Variants in TSGA10 observed in about 807,000 individuals in gnomAD.
TSGA10 encodes testis specific 10.
A neutral mutation model predicts 96.6 loss-of-function variants in TSGA10; 43 were observed. The observed-to-expected ratio is 0.44, with a 90% confidence interval of 0.35 to 0.57. The LOEUF (loss-of-function observed/expected upper bound fraction) is 0.57. TSGA10 is among the 20% of genes least tolerant of loss of function. TSGA10 has a pLI of 0.01. For missense variants in TSGA10, 703 were observed against 834.4 expected (o/e 0.84, Z 1.94); for synonymous variants, 229 against 269.9 (o/e 0.85, Z 1.48).
intron 16 of TSGA10, among the ~76,000 whole-genome samples, chr2:99,046,886 G>A (rs2082831773): frequency 6.6e-6 from 1 of 152,036 alleles, no homozygotes; most frequent in Non-Finnish European, 1.5e-5. Flanking sequence ...AATGAAAAAG[G>A]GGATATCACC....
intron 2 of TSGA10, among the ~76,000 whole-genome samples, chr2:99,119,254 C>T (rs1412715310): frequency 6.6e-6 from 1 of 151,988 alleles, no homozygotes; most frequent in African/African-American, 2.4e-5. Context: ...AATAGCCCAC[C>T]AAGAGGCATA....
At chr2:99,057,406 G>A (rs1190330832) in intron 16 of TSGA10, among the ~76,000 whole-genome samples, 1 of 152,070 alleles carries the variant, frequency 6.6e-6, no homozygotes. Flanking sequence ...CAGCAAGGTT[G>A]CAGGATACAA....
At chr2:98,998,358 CAA>C in intron 20 of TSGA10, 137 bp from the exon 21 acceptor site, 1 of 685,114 alleles carries the variant, frequency 1.5e-6, no homozygotes, top group Non-Finnish European at 2.4e-6. Context: ...AAACAAAAAA[CAA>C]TATATTTTTT....
intron 10 of TSGA10, among the ~76,000 whole-genome samples, chr2:99,095,131 G>A (rs1426205991): frequency 6.6e-6 from 1 of 152,148 alleles, no homozygotes; most frequent in Non-Finnish European, 1.5e-5. Flanking sequence ...ATTATTCTAA[G>A]GGAAGTAACT....
chr2:99,042,188 G>C (rs576730711), intron 16 of TSGA10, among the ~76,000 whole-genome samples: 1 of 152,094 alleles, frequency 6.6e-6, no homozygotes, highest in Non-Finnish European at 1.5e-5. Context: ...TGAGTCACTC[G>C]CTTTGTGAGG....
At chr2:99,001,013 G>A (rs528065624) in intron 20 of TSGA10, among the ~76,000 whole-genome samples, 1 of 152,328 alleles carries the variant, frequency 6.6e-6, no homozygotes, top group East Asian at 1.9e-4. Flanking sequence ...AATGAGGTCT[G>A]CCTATCTCTG....
At chr2:99,115,390 G>GA (rs948985170) in intron 4 of TSGA10, among the ~76,000 whole-genome samples, 3 of 151,914 alleles carry the variant, frequency 2.0e-5, no homozygotes, top group African/African-American at 4.8e-5. Flanking sequence ...CAAAAGTATT[G>GA]AAAAATGTTT....
intron 16 of TSGA10, among the ~76,000 whole-genome samples, chr2:99,040,817 G>T (rs1020588828): frequency 6.6e-6 from 1 of 151,282 alleles, no homozygotes; most frequent in Non-Finnish European, 1.5e-5. Context: ...CCAGCATACT[G>T]TAGAAAGTAG....
At chr2:99,149,364 C>T (rs1488162534) in intron 1 of TSGA10, among the ~76,000 whole-genome samples, 1 of 151,782 alleles carries the variant, frequency 6.6e-6, no homozygotes, top group Non-Finnish European at 1.5e-5. Context: ...TCCTGCCCAT[C>T]TTTGAAAGCG....
intron 3 of TSGA10, 101 bp downstream of exon 3, chr2:99,118,450 C>CA (rs34057808): frequency 0.04 from 10,446 of 262,532 alleles, 35 homozygotes; most frequent in Non-Finnish European, 0.045. Context: ...GACTCTATCT[C>CA]AAAAAAAAAA....
chr2:99,018,366 A>C lies in TSGA10; in HGVS notation c.1923-17T>G. ...GCCCTCTCCCTAAAGCAAAATAGTG[A>C]TGCTTTAAATTTTATATCCAGCAAA... On this transcript the variant is annotated splice_polypyrimidine_tract_variant and intron_variant, in intron 19 of 20. Coordinates refer to ENST00000393483, the MANE Select transcript of TSGA10 (RefSeq NM_025244.4). The C allele has an allele frequency of 3.7e-6, 6 of 1,607,884 alleles. No individual in the cohort carries two copies. Among genetic ancestry groups the C allele is most frequent in the Non-Finnish European group, 4.3e-6 (5 of 1,176,420 alleles).
At chr2:99,049,750 A>T (rs1228796496) in intron 16 of TSGA10, among the ~76,000 whole-genome samples, 1 of 152,062 alleles carries the variant, frequency 6.6e-6, no homozygotes, top group Non-Finnish European at 1.5e-5. Context: ...GAAAAAAAAA[A>T]AGAAAAATAC....
At chr2:99,013,188 T>C (rs1479488879) in intron 20 of TSGA10, among the ~76,000 whole-genome samples, 3 of 152,168 alleles carry the variant, frequency 2.0e-5, no homozygotes, top group Admixed American at 1.3e-4. Flanking sequence ...TTAGTACTAC[T>C]TTTGGTGTAT....
At position 99,108,877 on chromosome 2, in the gene TSGA10, C is replaced by G. The variant is rs376162872; in HGVS notation, c.166G>C (p.Val56Leu). The G allele has an allele frequency of 6.3e-6, 10 of 1,597,178 alleles. No individual in the cohort carries two copies. The highest frequency in any genetic ancestry group is 8.5e-6 in the Non-Finnish European group (10 of 1,175,178). ...ATCTTGTCTCTCTCAGATTTAAGAACCTTGACATTACCCTGAATTTCTGCC... is the reference window on the plus strand; with the variant it reads ...ATCTTGTCTCTCTCAGATTTAAGAAGCTTGACATTACCCTGAATTTCTGCC... ...HLAEIQGNVK[V>L]LKSERDKIFL... Residue 56 changes from valine to leucine, a missense_variant, in exon 7 of 21, where the codon GTT (valine) becomes CTT (leucine). Transcript: ENST00000393483.
chr2:99,031,701 A>T (rs1220321807), intron 17 of TSGA10, among the ~76,000 whole-genome samples: 1 of 152,190 alleles, frequency 6.6e-6, no homozygotes, highest in Non-Finnish European at 1.5e-5. Context: ...GGTGAATGGC[A>T]GGTGAGCCCG....
intron 2 of TSGA10, among the ~76,000 whole-genome samples, chr2:99,124,294 T>C (rs1229337865): frequency 6.6e-6 from 1 of 152,212 alleles, no homozygotes; most frequent in Non-Finnish European, 1.5e-5. Flanking sequence ...TCAAGTCCTT[T>C]GCCCATTTTT....
intron 10 of TSGA10, chr2:99,102,438 C>T: frequency 1.2e-6 from 2 of 1,613,892 alleles, no homozygotes; most frequent in South Asian, 1.1e-5. Context: ...AGAAATGCAA[C>T]AGCTTTCAGG....
intron 17 of TSGA10, among the ~76,000 whole-genome samples, chr2:99,028,761 C>A (rs1402080219): frequency 6.6e-6 from 1 of 152,110 alleles, no homozygotes; most frequent in African/African-American, 2.4e-5. Flanking sequence ...GTTCTCTATT[C>A]AACTTCTAAC....
chr2:99,039,718 T>C (rs2082013001), intron 16 of TSGA10, among the ~76,000 whole-genome samples: 2 of 152,106 alleles, frequency 1.3e-5, no homozygotes, highest in Admixed American at 1.3e-4. Flanking sequence ...CCAATCCTAC[T>C]GAAATTATTC....
Sources: gnomAD v4.1 joint callset for allele counts (sites outside exome capture counted in the v4.1 genomes callset) on GRCh38, gnomAD v4.1.1 for gene constraint, MANE v1.5 for transcripts, NCBI Gene and HGNC (gene_info 2026-07-23, HGNC 2026-07-21) for gene names.